The following MYO7A variants were observed in gnomAD, a reference collection of about 807,000 sequenced individuals.
MYO7A encodes unconventional myosin-VIIa.
MYO7A carries 210 observed loss-of-function variants against 263.8 expected under a neutral mutation model. That is an observed-to-expected ratio of 0.80 (90% CI 0.71 to 0.89). MYO7A has a LOEUF of 0.89. MYO7A is among the 40% of genes least tolerant of loss of function. The probability of loss-of-function intolerance (pLI) is 0.00; values close to 1 mark genes in which losing one functional copy is unlikely to be tolerated. For missense variants in MYO7A, 2,820 were observed against 2,968.3 expected (o/e 0.95, Z 1.16); for synonymous variants, 1,239 against 1,197.3 (o/e 1.03, Z -0.72).
rs1238762459 is a variant in MYO7A at position 77,179,669 on chromosome 11, T to G, written c.2368-66T>G. 14 of 1,408,920 alleles carry G rather than the reference T, an allele frequency of 9.9e-6. No homozygotes were observed. In the African/African-American group the frequency reaches 1.7e-4, roughly 17 times the overall value. The allele number at this position is 1,408,920 out of a possible 1,614,324, so 87.3% of individuals were successfully genotyped here. ...GAGTGGAGGCCGGTGCCATGGAAGC[T>G]CCTGCAGGCAGGGTCAGTCTGGAAT... On this transcript the variant is annotated intron_variant, in intron 20 of 48. Transcript: ENST00000409709.
At position 77,212,985 on chromosome 11, in the gene MYO7A, CT is replaced by C; in HGVS notation, c.6389del (p.Leu2130GlnfsTer65). ...GGAGCCAAACTTCCCTGAGATCCTCCTAATTGCCATCAACAAGTATGGGGTC... is the reference window on the plus strand; with the variant it reads ...GGAGCCAAACTTCCCTGAGATCCTCCAATTGCCATCAACAAGTATGGGGTC... ...TTEPNFPEIL[L>X]IAINKYGVSL... On this transcript the variant is annotated frameshift_variant, in exon 47 of 49. Coordinates refer to ENST00000409709, the MANE Select transcript of MYO7A (RefSeq NM_000260.4). LOFTEE classifies it high-confidence loss of function. The C allele has an allele frequency of 6.3e-7, 1 of 1,596,192 alleles. No individual in the cohort carries two copies.
chr11:77,162,385 C>T, intron 13 of MYO7A, 55 bp downstream of exon 13: 2 of 1,502,298 alleles, frequency 1.3e-6, no homozygotes, highest in Non-Finnish European at 9.1e-7. Flanking sequence ...AGCTTCCTTC[C>T]CTGCTTTGAG....
At chr11:77,211,358 G>A (rs373087557) in intron 45 of MYO7A, 21 bp downstream of exon 45, 76 of 1,560,694 alleles carry the variant, frequency 4.9e-5, no homozygotes, top group Middle Eastern at 1.7e-4. Context: ...GGTGGGCATC[G>A]GGAATGGTGG....
intron 3 of MYO7A, among the ~76,000 whole-genome samples, chr11:77,146,665 T>C (rs1008378216): frequency 6.6e-6 from 1 of 152,076 alleles, no homozygotes; most frequent in African/African-American, 2.4e-5. Context: ...GGGGAGGACA[T>C]GGCATGTGCA....
At position 77,206,045 on chromosome 11, in the gene MYO7A, G is replaced by A. The variant is rs1957425788; in HGVS notation, c.5637-52G>A. 3.5e-6 allele frequency: 5 copies of A among 1,410,764 alleles called. No homozygotes were observed. In the South Asian group the frequency reaches 4.9e-5, roughly 14 times the overall value. 87.4% of individuals were successfully genotyped at this position (1,410,764 alleles called of 1,614,324 possible). A position where few individuals can be genotyped will look rare whatever the true frequency, so the allele number is the denominator to read the frequency against. ...CTGCCTCCAAGTGTCCCGGTCCCCT[G>A]GTCTCCACAGTCCCACGCACATGCC... On this transcript the variant is annotated intron_variant, in intron 40 of 48. Coordinates refer to ENST00000409709, the MANE Select transcript of MYO7A (RefSeq NM_000260.4).
Position 77,174,866 on chromosome 11 carries a change from G to A in MYO7A, c.2046G>A (p.Val682=), listed in dbSNP as rs1555079064. ...TCCGCTACAGCTTCGTAGAGTTTGTGGAGCGGTACCGTGTGCTGCTGCCAG... is the reference window on the plus strand; with the variant it reads ...TCCGCTACAGCTTCGTAGAGTTTGTAGAGCGGTACCGTGTGCTGCTGCCAG... ...YPIRYSFVEF[V]ERYRVLLPGV... The change falls in exon 17 of 49, where the codon GTG becomes GTA. Residue 682 remains valine, a synonymous_variant. Coordinates refer to ENST00000409709, the MANE Select transcript of MYO7A (RefSeq NM_000260.4). The A allele has an allele frequency of 1.2e-6, 2 of 1,613,636 alleles. No homozygotes were observed. The highest frequency in any genetic ancestry group is 2.7e-5 in the African/African-American group (2 of 74,942).
At chr11:77,201,700 C>T in intron 36 of MYO7A, 62 bp downstream of exon 36, 4 of 1,522,182 alleles carry the variant, frequency 2.6e-6, no homozygotes, top group South Asian at 2.4e-5. Context: ...TTGTCCACTT[C>T]CCACAGCTGT....
In MYO7A at chr11:77,192,278, G is replaced by C; in HGVS notation, c.4152G>C (p.Lys1384Asn). Residue 1384 changes from lysine (K) to asparagine (N), a missense_variant and splice_region_variant, in exon 31 of 49, where the codon AAG becomes AAC. Coordinates refer to ENST00000409709, the MANE Select transcript of MYO7A (RefSeq NM_000260.4). ...GVKFGEYRCE[K>N]EDDLAELASQ... The stretch of plus-strand genomic sequence containing the variant: ...AGTTTGGGGAGTACAGGTGTGAGAA[G>C]GTGAGTGGGAGGGAATCTTCCGCCA... 1.2e-6 allele frequency: 2 copies of C among 1,613,604 alleles called. No individual in the cohort carries two copies. The highest frequency in any genetic ancestry group is 1.7e-6 in the Non-Finnish European group (2 of 1,179,516).
intron 44 of MYO7A, 152 bp downstream of exon 44, chr11:77,208,955 G>A (rs904662549): frequency 6.1e-6 from 4 of 653,368 alleles, no homozygotes; most frequent in Non-Finnish European, 1.1e-5. Flanking sequence ...GAGCCCCAAG[G>A]GATGGCCCAA....
At chr11:77,148,791 TA>T (rs1289619055) in intron 4 of MYO7A, among the ~76,000 whole-genome samples, 3 of 152,232 alleles carry the variant, frequency 2.0e-5, no homozygotes, top group African/African-American at 7.2e-5. Flanking sequence ...ACATTTTTAC[TA>T]AAAATGACAT....
At position 77,198,566 on chromosome 11, in the gene MYO7A, G is replaced by A. The variant is rs1189180880; in HGVS notation, c.4513G>A (p.Glu1505Lys). 2 of 1,613,972 alleles carry A rather than the reference G, an allele frequency of 1.2e-6. No homozygotes were observed. Among genetic ancestry groups the A allele is most frequent in the Non-Finnish European group, 8.5e-7 (1 of 1,179,908 alleles). ...WTGVYFVDEQ[E>K]QVLLELSFPE... Reference sequence around the variant, plus strand: ...GGGTGTGTACTTTGTGGATGAGCAGGAGCAGGTACTTCTGGAGCTGTCCTT... The same window carrying A: ...GGGTGTGTACTTTGTGGATGAGCAGAAGCAGGTACTTCTGGAGCTGTCCTT... The change falls in exon 34 of 49, where the codon GAG (glutamate) becomes AAG (lysine). Residue 1505 changes from glutamate to lysine, a missense_variant. Glu to Lys is a moderately conservative substitution (Grantham distance 56, BLOSUM62 1). Transcript: ENST00000409709.
chr11:77,147,739 C>G, intron 3 of MYO7A, 59 bp from the exon 4 acceptor site: 2 of 1,585,210 alleles, frequency 1.3e-6, no homozygotes, highest in South Asian at 1.2e-5. Context: ...CCGGCCCCTT[C>G]CCCTGAAGTG....
intron 48 of MYO7A, 60 bp downstream of exon 48, chr11:77,214,039 C>A: frequency 1.2e-6 from 2 of 1,606,328 alleles, no homozygotes; most frequent in Non-Finnish European, 1.7e-6. Context: ...CGTAGCCAGC[C>A]TCCCAGGGCC....
At chr11:77,157,728 G>T (rs1320926125) in intron 8 of MYO7A, among the ~76,000 whole-genome samples, 2 of 152,228 alleles carry the variant, frequency 1.3e-5, no homozygotes, top group African/African-American at 4.8e-5. Context: ...GCGTATATGT[G>T]TGTGTGCATG....
In MYO7A at chr11:77,202,659, C is replaced by G. The variant is rs976034384; in HGVS notation, c.5168+235C>G. On this transcript the variant is annotated intron_variant, in intron 37 of 48. Transcript: ENST00000409709. ...CCCACCCCAGGCTGGGCATTCGAGA[C>G]TGAGTCCTGGTGGGGATGCGGGCTG... 3.3e-5 allele frequency among the ~76,000 whole-genome samples: 5 copies of G among 151,992 alleles called. No homozygotes were observed. The East Asian group carries it at 9.7e-4, about 29-fold the overall frequency.
In MYO7A at chr11:77,182,597, C is replaced by A; in HGVS notation, c.3282C>A (p.Gly1094=). 6.2e-7 allele frequency: 1 copy of A among 1,612,852 alleles called. No individual in the cohort carries two copies. Among genetic ancestry groups the A allele is most frequent in the Non-Finnish European group, 8.5e-7 (1 of 1,179,840 alleles). Reference sequence around the variant, plus strand: ...AGCTGCAGGCCCTGCAGGGCGAGGGCGAGGTGAGGCCAAGGTGCCCTCTGG... The same window carrying A: ...AGCTGCAGGCCCTGCAGGGCGAGGGAGAGGTGAGGCCAAGGTGCCCTCTGG... ...KRELQALQGE[G]EAQLPEGQKK... Residue 1094 remains glycine, a synonymous_variant, in exon 25 of 49, where the codon GGC becomes GGA. Coordinates refer to ENST00000409709, the MANE Select transcript of MYO7A (RefSeq NM_000260.4).
At chr11:77,181,667 C>A in intron 23 of MYO7A, 78 bp downstream of exon 23, 1 of 1,382,966 alleles carries the variant, frequency 7.2e-7, no homozygotes, top group South Asian at 1.3e-5. Flanking sequence ...GTGCCCTTGG[C>A]CTTAAAGCCC....
chr11:77,130,880 T>C (rs1403993293), intron 2 of MYO7A, among the ~76,000 whole-genome samples: 1 of 152,174 alleles, frequency 6.6e-6, no homozygotes, highest in Non-Finnish European at 1.5e-5. Context: ...GAAATGAGTT[T>C]ATTTACACAC....
chr11:77,184,063 A>G (rs559040775), intron 26 of MYO7A, among the ~76,000 whole-genome samples: 3 of 152,290 alleles, frequency 2.0e-5, no homozygotes, highest in Admixed American at 6.5e-5. Flanking sequence ...TCCTCTGGGC[A>G]GAGCTCGGGG....
Sources: gnomAD v4.1 joint callset for allele counts (sites outside exome capture counted in the v4.1 genomes callset) on GRCh38, gnomAD v4.1.1 for gene constraint, MANE v1.5 for transcripts, NCBI Gene and HGNC (gene_info 2026-07-23, HGNC 2026-07-21) for gene names.